Variants in TGFB3 observed in about 807,000 individuals in gnomAD.
The protein encoded by TGFB3 is transforming growth factor beta-3 proprotein.
In TGFB3, 5 loss-of-function variants were observed where a neutral mutation model predicts 40.1. That is an observed-to-expected ratio of 0.12 (90% CI 0.07 to 0.26). The LOEUF is 0.26. Among genes scored for constraint, TGFB3 ranks in the 10% least tolerant of loss-of-function variants. TGFB3 has a pLI of 1.00. For missense variants in TGFB3, 373 were observed against 530.1 expected (o/e 0.70, Z 2.91); for synonymous variants, 184 against 205.6 (o/e 0.89, Z 0.90).
chr14:75,966,259 A>G, intron 3 of TGFB3: 1 of 176,040 alleles, frequency 5.7e-6, no homozygotes, highest in Non-Finnish European at 1.2e-5. Context: ...CAAGTCAGGA[A>G]CCAATGCTAG....
chr14:75,964,659 T>C (rs1234702725), intron 4 of TGFB3, among the ~76,000 whole-genome samples: 1 of 152,208 alleles, frequency 6.6e-6, no homozygotes. Context: ...ATGAGAGACC[T>C]GGATCACAAA....
rs771442662 is a variant in TGFB3 at position 75,963,307 on chromosome 14, C to T, written c.926+9G>A. 67 of 1,614,036 alleles carry T rather than the reference C, an allele frequency of 4.2e-5. 5 individuals carry two copies. In the South Asian group the frequency reaches 7.2e-4, roughly 17 times the overall value. ...GTAGATGTTGGTTCCCATGTGGGCC[C>T]AGTCTCACCGGAAGCAGTAATTGGT... On this transcript the variant is annotated intron_variant, in intron 5 of 6. Coordinates refer to ENST00000238682, the MANE Select transcript of TGFB3 (RefSeq NM_003239.5).
chr14:75,971,181 G>A lies in TGFB3; in HGVS notation c.591C>T (p.Ala197=), dbSNP rs375090568. ...CAGTGACATCAAAGGACAGCCACTC[G>A]GCAGTGCCCCGTGTGGGCAGATTCT... is the stretch of plus-strand genomic sequence containing the variant. The part of the protein sequence containing the change: ...GGKNLPTRGT[A]EWLSFDVTDT... The change falls in exon 3 of 7, where the codon GCC becomes GCT. Residue 197 remains alanine (A), a synonymous_variant. Transcript: ENST00000238682. This position sits in a 1 kb window ranked among gnomAD's most constrained non-coding sequence, Gnocchi z 4.5. 61 of 1,614,006 alleles carry A rather than the reference G, an allele frequency of 3.8e-5. No individual in the cohort carries two copies. The highest frequency in any genetic ancestry group is 4.7e-5 in the Non-Finnish European group (56 of 1,180,044).
chr14:75,981,063 C>A lies in TGFB3; in HGVS notation c.-170G>T. On this transcript the variant is annotated 5_prime_UTR_variant, in exon 1 of 7. Coordinates refer to ENST00000238682, the MANE Select transcript of TGFB3 (RefSeq NM_003239.5). The surrounding 1 kb of genome is among the most constrained non-coding windows in gnomAD (Gnocchi z 4.7). ...TGCACTGCGAGAGCTTCAGGACTTC[C>A]AGGAAGCGCTGGCAACCCTGAGGAC... The A allele has an allele frequency of 1.5e-6, 1 of 669,738 alleles. No homozygotes were observed. The highest frequency in any genetic ancestry group is 2.3e-5 in the Admixed American group (1 of 44,020). The allele number at this position is 669,738 out of a possible 1,614,324, so 41.5% of individuals were successfully genotyped here. A position where few individuals can be genotyped will look rare whatever the true frequency, so the allele number is the denominator to read the frequency against.
chr14:75,967,156 G>T (rs772817343), intron 3 of TGFB3, among the ~76,000 whole-genome samples: 1 of 152,220 alleles, frequency 6.6e-6, no homozygotes, highest in Non-Finnish European at 1.5e-5. Flanking sequence ...CAAGACTGGA[G>T]ATTCCCATCA....
rs1161112509 is a variant in TGFB3, at chr14:75,980,660, C to T, written c.234G>A (p.Glu78=). ...TCTCCCCATGCATCTCCTCCAGCAG[C>T]TCCCGGGTGCTGTTGTAAAGGGCCA... is the stretch of plus-strand genomic sequence containing the variant. ...QVLALYNSTR[E]LLEEMHGERE... is the part of the protein sequence containing the mutation. Residue 78 remains glutamate, a synonymous_variant, in exon 1 of 7, where the codon GAG becomes GAA. Transcript: ENST00000238682. This position sits in a 1 kb window ranked among gnomAD's most constrained non-coding sequence, Gnocchi z 4.3. The T allele has an allele frequency of 6.2e-7, 1 of 1,614,146 alleles. No individual in the cohort carries two copies. The highest frequency in any genetic ancestry group is 2.2e-5 in the East Asian group (1 of 44,902).
At chr14:75,965,512 A>G in intron 4 of TGFB3, 76 bp downstream of exon 4, 1 of 1,251,208 alleles carries the variant, frequency 8.0e-7, no homozygotes. Flanking sequence ...AGGTCTGGTA[A>G]GGGTCTCCTG....
In TGFB3 at chr14:75,971,866, G is replaced by C. The variant is rs553906221; in HGVS notation, c.353-148C>G. 3.1e-4 allele frequency: 252 copies of C among 812,140 alleles called. No homozygotes were observed. In the African/African-American group the frequency reaches 3.9e-3, roughly 13 times the overall value. The allele number at this position is 812,140 out of a possible 1,614,324, so 50.3% of individuals were successfully genotyped here. A position where few individuals can be genotyped will look rare whatever the true frequency, so the allele number is the denominator to read the frequency against. On this transcript the variant is annotated intron_variant, in intron 1 of 6. Transcript: ENST00000238682. The surrounding 1 kb of genome is among the most constrained non-coding windows in gnomAD (Gnocchi z 4.5). ...TCAGACCGCAAGGTGGAGATACGAG[G>C]AAGATTCTTGGTGGCCCTAGAATCA... is the stretch of plus-strand genomic sequence containing the variant.
Position 75,978,653 on chromosome 14 carries a change from T to C in TGFB3, c.352+1889A>G, listed in dbSNP as rs754751035. Among the ~76,000 whole-genome samples, 4 of 152,252 alleles carry C rather than the reference T, an allele frequency of 2.6e-5. No individual in the cohort carries two copies. Among genetic ancestry groups the C allele is most frequent in the Non-Finnish European group, 4.4e-5 (3 of 68,036 alleles). On this transcript the variant is annotated intron_variant, in intron 1 of 6. Coordinates refer to ENST00000238682, the MANE Select transcript of TGFB3 (RefSeq NM_003239.5). This position sits in a 1 kb window ranked among gnomAD's most constrained non-coding sequence, Gnocchi z 5.0. Reference sequence around the variant, plus strand: ...ATCTGTTGCAGTTGTAAGGTCTTGGTACTGCAGCCTGGAAGCTGCCCAGCA... The same window carrying C: ...ATCTGTTGCAGTTGTAAGGTCTTGGCACTGCAGCCTGGAAGCTGCCCAGCA...
At position 75,971,645 on chromosome 14, in the gene TGFB3, A is replaced by G. The variant is rs763933719; in HGVS notation, c.426T>C (p.Asn142=). The G allele has an allele frequency of 1.2e-6, 2 of 1,614,146 alleles. No individual in the cohort carries two copies. Among genetic ancestry groups the G allele is most frequent in the East Asian group, 4.5e-5 (2 of 44,882 alleles). Residue 142 remains asparagine, a synonymous_variant, in exon 2 of 7, where the codon AAT becomes AAC. Coordinates refer to ENST00000238682, the MANE Select transcript of TGFB3 (RefSeq NM_003239.5). This position sits in a 1 kb window ranked among gnomAD's most constrained non-coding sequence, Gnocchi z 4.5. ...FRFNVSSVEK[N]RTNLFRAEFR... ...ATTCTGCTCGGAATAGGTTGGTTCT[A>G]TTTTTCTCCACTGAGGACACATTGA...
intron 3 of TGFB3, among the ~76,000 whole-genome samples, chr14:75,969,607 A>T (rs2035263104): frequency 6.6e-6 from 1 of 152,228 alleles, no homozygotes. Context: ...AGGAGGAACC[A>T]TTGCCTGATT....
intron 6 of TGFB3, chr14:75,960,312 T>A (rs1191629754): frequency 6.4e-6 from 1 of 155,924 alleles, no homozygotes; most frequent in Non-Finnish European, 1.4e-5. Flanking sequence ...TGAGAAATGT[T>A]CTCACAAAAC....
chr14:75,977,755 T>C (rs2035372032), intron 1 of TGFB3, among the ~76,000 whole-genome samples: 1 of 151,588 alleles, frequency 6.6e-6, no homozygotes, highest in Non-Finnish European at 1.5e-5. Context: ...CTCTGACCTC[T>C]CCTGCTTGGT....
chr14:75,980,254 A>G lies in TGFB3; in HGVS notation c.352+288T>C, dbSNP rs2035408260. 6.6e-6 allele frequency among the ~76,000 whole-genome samples: 1 copy of G among 152,214 alleles called. No homozygotes were observed. The highest frequency in any genetic ancestry group is 2.4e-5 in the African/African-American group (1 of 41,458). ...TACATATGTTTCCCTGGACAGCACA[A>G]TGTAATTCCAAATTAAAATCAGTCA... On this transcript the variant is annotated intron_variant, in intron 1 of 6. Transcript: ENST00000238682. This position sits in a 1 kb window ranked among gnomAD's most constrained non-coding sequence, Gnocchi z 4.3.
upstream of TGFB3, among the ~76,000 whole-genome samples, chr14:75,982,391 G>A (rs1024535425): frequency 6.6e-6 from 1 of 152,186 alleles, no homozygotes; most frequent in African/African-American, 2.4e-5. This position sits in a 1 kb window ranked among gnomAD's most constrained non-coding sequence, Gnocchi z 4.0. Context: ...CCCGGGGCAG[G>A]GTCCGCAGAG....
At chr14:75,976,364 T>A (rs2035354101) in intron 1 of TGFB3, among the ~76,000 whole-genome samples, 1 of 152,118 alleles carries the variant, frequency 6.6e-6, no homozygotes. Flanking sequence ...GCAGCCAGGG[T>A]TGAGAACCAC....
intron 1 of TGFB3, among the ~76,000 whole-genome samples, chr14:75,972,638 G>A (rs1449411859): frequency 6.6e-6 from 1 of 152,178 alleles, no homozygotes; most frequent in Non-Finnish European, 1.5e-5. Flanking sequence ...GGAAGCAAAG[G>A]CAGGGAGGGG....
chr14:75,966,665 A>G (rs768138148), intron 3 of TGFB3: 5 of 152,246 alleles, frequency 3.3e-5, no homozygotes, highest in Admixed American at 6.5e-5. Context: ...GGTGCCTGAC[A>G]TTCTGGTGCG....
Position 75,963,321 on chromosome 14 carries a change from G to A in TGFB3, c.921C>T (p.Cys307=), listed in dbSNP as rs575379914. The change falls in exon 5 of 7, where the codon TGC becomes TGT. Residue 307 remains cysteine (C), a synonymous_variant. Transcript: ENST00000238682. ...RKKRALDTNY[C]FRNLEENCCV... ...CCATGTGGGCCCAGTCTCACCGGAA[G>A]CAGTAATTGGTGTCCAAAGCCCGCT... 135 of 1,614,138 alleles carry A rather than the reference G, an allele frequency of 8.4e-5. 1 individual carries two copies. In the South Asian group the frequency reaches 1.4e-3, roughly 17 times the overall value.
Sources: gnomAD v4.1 joint callset for allele counts (sites outside exome capture counted in the v4.1 genomes callset) on GRCh38, gnomAD v4.1.1 for gene constraint, Gnocchi (gnomAD v3.1) non-coding constraint, MANE v1.5 for transcripts, NCBI Gene and HGNC (gene_info 2026-07-23, HGNC 2026-07-21) for gene names.